Variants in COPS8 observed in about 807,000 individuals in gnomAD.
COPS8 encodes the protein COP9 signalosome subunit 8, also known as COP9 signalosome complex subunit 8.
Under a neutral mutation model 31.5 loss-of-function variants are expected in COPS8, and 11 were observed. The observed-to-expected ratio is 0.35, with a 90% CI of 0.22 to 0.58. The LOEUF (loss-of-function observed/expected upper bound fraction) is 0.58. Ranked by LOEUF, COPS8 falls within the 20% of genes least tolerant of loss-of-function variation. The pLI is 0.83. For synonymous variants in COPS8, 81 were observed against 89.3 expected (o/e 0.91, Z 0.52); for missense variants, 215 against 255.1 (o/e 0.84, Z 1.07).
chr2:237,086,144 G>C (rs1696607179), intron 1 of COPS8, 102 bp downstream of exon 1: 1 of 1,124,210 alleles, frequency 8.9e-7, no homozygotes, highest in South Asian at 1.3e-5. Flanking sequence ...CGGGCTTTGG[G>C]AGCTCACGGG....
intron 4 of COPS8, among the ~76,000 whole-genome samples, chr2:237,092,880 C>T (rs1224467908): frequency 1.3e-5 from 2 of 152,128 alleles, no homozygotes; most frequent in Non-Finnish European, 2.9e-5. Context: ...CATCAACAAG[C>T]ATGTATTTGG....
chr2:237,089,766 C>A, intron 3 of COPS8, 96 bp from the exon 4 acceptor site: 6 of 1,222,484 alleles, frequency 4.9e-6, no homozygotes, highest in Non-Finnish European at 4.6e-6. Context: ...ATGTAGCTAA[C>A]AAGTTTTTAT....
intron 6 of COPS8, chr2:237,096,584 A>G: frequency 1.8e-6 from 1 of 569,372 alleles, no homozygotes; most frequent in Non-Finnish European, 3.1e-6. Flanking sequence ...CATACAGTAA[A>G]GGATTCTCAA....
At chr2:237,090,618 A>G (rs1230879699) in intron 4 of COPS8, among the ~76,000 whole-genome samples, 2 of 152,132 alleles carry the variant, frequency 1.3e-5, no homozygotes, top group Non-Finnish European at 1.5e-5. Flanking sequence ...CCTTACTTCC[A>G]TAGTTAATAT....
intron 3 of COPS8, 42 bp downstream of exon 3, chr2:237,088,695 A>T (rs1489531468): frequency 7.5e-7 from 1 of 1,328,480 alleles, no homozygotes; most frequent in Non-Finnish European, 1.1e-6. Flanking sequence ...TAATGTAATG[A>T]CATTCCCTTA....
chr2:237,090,406 T>C (rs1696686542), intron 4 of COPS8, among the ~76,000 whole-genome samples: 2 of 152,230 alleles, frequency 1.3e-5, no homozygotes, highest in African/African-American at 4.8e-5. Flanking sequence ...GTTTAATACA[T>C]AGATGCTCAA....
chr2:237,095,673 CT>C, intron 5 of COPS8, 148 bp from the exon 6 acceptor site: 1 of 594,042 alleles, frequency 1.7e-6, no homozygotes, highest in Non-Finnish European at 3.1e-6. Context: ...TTTCCATGCT[CT>C]TTGTAATATA....
At chr2:237,093,241 A>G (rs916061721) in intron 4 of COPS8, among the ~76,000 whole-genome samples, 4 of 152,202 alleles carry the variant, frequency 2.6e-5, no homozygotes, top group African/African-American at 9.6e-5. Flanking sequence ...GAATTGGTGT[A>G]GTTTGACAAT....
At chr2:237,090,412 C>T (rs1441904717) in intron 4 of COPS8, among the ~76,000 whole-genome samples, 1 of 152,162 alleles carries the variant, frequency 6.6e-6, no homozygotes, top group East Asian at 1.9e-4. Context: ...TACATAGATG[C>T]TCAAATGTGT....
At chr2:237,089,776 TATC>T in intron 3 of COPS8, 83 bp from the exon 4 acceptor site, 1 of 1,319,500 alleles carries the variant, frequency 7.6e-7, no homozygotes, top group African/African-American at 1.5e-5. Flanking sequence ...CAAGTTTTTA[TATC>T]ATTTCTGGTA....
chr2:237,094,027 C>G, intron 4 of COPS8, 63 bp from the exon 5 acceptor site: 3 of 1,584,706 alleles, frequency 1.9e-6, no homozygotes, highest in Non-Finnish European at 2.6e-6. Flanking sequence ...TGTGATTTAA[C>G]AATGTGCTTT....
chr2:237,085,945 C>T lies in COPS8; in HGVS notation c.-20C>T, dbSNP rs760820908. 8 of 1,609,136 alleles carry T rather than the reference C, an allele frequency of 5.0e-6. No homozygotes were observed. Among genetic ancestry groups the T allele is most frequent in the Non-Finnish European group, 6.8e-6 (8 of 1,177,468 alleles). The stretch of plus-strand genomic sequence containing the variant: ...GGGTTTGGCTGTCCGGACGGTGCAG[C>T]GGCGAGGCCGGCCGCGAAGATGCCA... On this transcript the variant is annotated 5_prime_UTR_variant, in exon 1 of 8. Transcript: ENST00000354371.
intron 4 of COPS8, 192 bp from the exon 5 acceptor site, chr2:237,093,897 AT>A (rs914258020): frequency 8.2e-7 from 1 of 1,222,468 alleles, no homozygotes. Flanking sequence ...TAAGAAATGT[AT>A]TTTTTTCCAG....
chr2:237,089,485 CT>C (rs1696671660), intron 3 of COPS8, among the ~76,000 whole-genome samples: 1 of 152,142 alleles, frequency 6.6e-6, no homozygotes, highest in Admixed American at 6.5e-5. Context: ...TTTGCTATTA[CT>C]TTTGACCTAA....
chr2:237,093,440 A>G (rs1395632341), intron 4 of COPS8, among the ~76,000 whole-genome samples: 2 of 152,144 alleles, frequency 1.3e-5, no homozygotes, highest in Non-Finnish European at 2.9e-5. Flanking sequence ...ACAGTGCTCA[A>G]CTCTACCGTA....
At chr2:237,096,580 G>A (rs756716977) in intron 6 of COPS8, 17 of 563,296 alleles carry the variant, frequency 3.0e-5, no homozygotes, top group Non-Finnish European at 4.7e-5. Context: ...TGAACATACA[G>A]TAAAGGATTC....
rs1696827072 is a variant in COPS8 at position 237,097,526 on chromosome 2, T to C, written c.551-137T>C. ...GTCCAAGCCTCTATGATGTAAGATTTTGTCTAAAACCAGGACAAATCTAAG... is the reference window on the plus strand; with the variant it reads ...GTCCAAGCCTCTATGATGTAAGATTCTGTCTAAAACCAGGACAAATCTAAG... On this transcript the variant is annotated intron_variant, in intron 7 of 7. Transcript: ENST00000354371. 3 of 634,554 alleles carry C rather than the reference T, an allele frequency of 4.7e-6. No individual in the cohort carries two copies. In the African/African-American group the frequency reaches 5.5e-5, roughly 12 times the overall value. The allele number at this position is 634,554 out of a possible 1,614,324, so 39.3% of individuals were successfully genotyped here.
At chr2:237,086,930 T>C in intron 1 of COPS8, 197 bp from the exon 2 acceptor site, 1 of 459,828 alleles carries the variant, frequency 2.2e-6, no homozygotes, top group East Asian at 3.7e-5. Context: ...ATACTCAGAA[T>C]TTTCGTGTTT....
At position 237,085,908 on chromosome 2, in the gene COPS8, A is replaced by AGGGACAGTCTGG; in HGVS notation, c.-54_-43dup. On this transcript the variant is annotated 5_prime_UTR_variant, in exon 1 of 8. Coordinates refer to ENST00000354371, the MANE Select transcript of COPS8 (RefSeq NM_006710.5). ...AACGTCATCGCGGGCGCGACGCCTG[A>AGGGACAGTCTGG]GGGACAGTCTGGGGTTTGGCTGTCC... The AGGGACAGTCTGG allele has an allele frequency of 6.5e-7, 1 of 1,543,006 alleles. No individual in the cohort carries two copies. The highest frequency in any genetic ancestry group is 8.9e-7 in the Non-Finnish European group (1 of 1,126,194).
Sources: gnomAD v4.1 joint callset for allele counts (sites outside exome capture counted in the v4.1 genomes callset) on GRCh38, gnomAD v4.1.1 for gene constraint, MANE v1.5 for transcripts, NCBI Gene and HGNC (gene_info 2026-07-23, HGNC 2026-07-21) for gene names.